The following SLC44A5 variants were observed in gnomAD, a reference collection of about 807,000 sequenced individuals.
The protein encoded by SLC44A5 is choline transporter-like protein 5.
In SLC44A5, 57 loss-of-function variants were observed where a neutral mutation model predicts 101.8. The ratio of observed to expected loss-of-function variants is 0.56; its 90% CI spans 0.45 to 0.70. The LOEUF (loss-of-function observed/expected upper bound fraction) is 0.70, where lower values mean the gene tolerates loss of function less well. Among genes scored for constraint, SLC44A5 ranks in the 30% least tolerant of loss-of-function variants. The pLI is 0.00. For synonymous variants in SLC44A5, 281 were observed against 290.9 expected (o/e 0.97, Z 0.35); for missense variants, 737 against 853.1 (o/e 0.86, Z 1.70).
chr1:75,386,098 T>C lies in SLC44A5; in HGVS notation c.52+10485A>G, dbSNP rs866087586. 3.8e-3 allele frequency among the ~76,000 whole-genome samples: 583 copies of C among 151,680 alleles called. 6 individuals carry two copies. The highest frequency in any genetic ancestry group is 0.038 in the South Asian group (184 of 4,796). On this transcript the variant is annotated intron_variant, in intron 3 of 23. Transcript: ENST00000370859. Reference sequence around the variant, plus strand: ...CTATCTATGACAAACCCACAGCCAATATCATACTGAATGGGCAAAAACTGG... The same window carrying C: ...CTATCTATGACAAACCCACAGCCAACATCATACTGAATGGGCAAAAACTGG...
chr1:75,548,320 A>C (rs1054984650), intron 1 of SLC44A5, among the ~76,000 whole-genome samples: 1 of 152,148 alleles, frequency 6.6e-6, no homozygotes, highest in Non-Finnish European at 1.5e-5. Flanking sequence ...TCGATCTAAT[A>C]GTTTCAGTGA....
At chr1:75,214,531 TAAC>T (rs1339858732) in intron 20 of SLC44A5, 71 bp downstream of exon 20, 20 of 1,183,496 alleles carry the variant, frequency 1.7e-5, no homozygotes, top group Middle Eastern at 2.0e-4. Flanking sequence ...ACACTTTAAA[TAAC>T]AACATGTAAA....
At chr1:75,431,533 T>A (rs1664611135) in intron 2 of SLC44A5, among the ~76,000 whole-genome samples, 1 of 152,202 alleles carries the variant, frequency 6.6e-6, no homozygotes, top group African/African-American at 2.4e-5. Context: ...ATTAACTTAT[T>A]TATTTAACAG....
intron 2 of SLC44A5, among the ~76,000 whole-genome samples, chr1:75,440,465 C>T (rs1457886248): frequency 2.0e-5 from 3 of 151,974 alleles, no homozygotes; most frequent in African/African-American, 7.2e-5. Context: ...GTGAGAGCAG[C>T]AGGAAACAAG....
At chr1:75,697,935 C>A in the SLC44A5 span, among the ~76,000 whole-genome samples, 1 of 152,206 alleles carries the variant, frequency 6.6e-6, no homozygotes, top group Non-Finnish European at 1.5e-5. Flanking sequence ...GAATACTGTG[C>A]TTTTCCAACG....
intron 2 of SLC44A5, among the ~76,000 whole-genome samples, chr1:75,423,238 C>A (rs1007061679): frequency 2.0e-5 from 3 of 152,186 alleles, no homozygotes; most frequent in Non-Finnish European, 4.4e-5. Context: ...TGAAACAACG[C>A]TTAGCAACCT....
chr1:75,329,578 G>A (rs1656867126), intron 4 of SLC44A5, among the ~76,000 whole-genome samples: 1 of 152,046 alleles, frequency 6.6e-6, no homozygotes, highest in South Asian at 2.1e-4. Context: ...TTTATTGGGA[G>A]CATAGTCTGT....
At chr1:75,554,469 CAAAAAA>C (rs35263222) in intron 1 of SLC44A5, among the ~76,000 whole-genome samples, 5 of 123,418 alleles carry the variant, frequency 4.1e-5, no homozygotes, top group Non-Finnish European at 8.3e-5. Flanking sequence ...GTGACTCTGT[CAAAAAA>C]AAAAAAAAAA....
At chr1:75,525,817 T>G (rs942451342) in intron 2 of SLC44A5, among the ~76,000 whole-genome samples, 1 of 152,152 alleles carries the variant, frequency 6.6e-6, no homozygotes, top group Non-Finnish European at 1.5e-5. Context: ...TTTCAAGGTG[T>G]TCGGAAAAAA....
rs924103492 is a variant in SLC44A5, at chr1:75,364,255, T to C, written c.53-24625A>G. Among the ~76,000 whole-genome samples, 9 of 152,242 alleles carry C rather than the reference T, an allele frequency of 5.9e-5. 1 individual carries two copies. Among genetic ancestry groups the C allele is most frequent in the African/African-American group, 2.2e-4 (9 of 41,524 alleles). ...AATTTATAAAGAAAAGAATTTACCATTATTGCAGGCTGTACAGGAATCATG... is the reference window on the plus strand; with the variant it reads ...AATTTATAAAGAAAAGAATTTACCACTATTGCAGGCTGTACAGGAATCATG... On this transcript the variant is annotated intron_variant, in intron 3 of 23. Coordinates refer to ENST00000370859, the MANE Select transcript of SLC44A5 (RefSeq NM_001130058.2).
chr1:75,388,067 G>A (rs1427423692), intron 3 of SLC44A5, among the ~76,000 whole-genome samples: 1 of 111,106 alleles, frequency 9.0e-6, no homozygotes, highest in African/African-American at 3.5e-5. Context: ...GTTGTGGGGT[G>A]GGGGGAGGGG....
chr1:75,405,313 C>A (rs1662777666), intron 2 of SLC44A5, among the ~76,000 whole-genome samples: 1 of 152,172 alleles, frequency 6.6e-6, no homozygotes, highest in African/African-American at 2.4e-5. Context: ...AGAAAATTAA[C>A]AATGATATTC....
In SLC44A5 at chr1:75,202,538, T is replaced by C. The variant is rs1372199610; in HGVS notation, c.*1189A>G. Reference sequence around the variant, plus strand: ...TAGTACTGGTAAAATTATTTAAAACTGAATTGGAAATTATGTTCCTGTTTA... The same window carrying C: ...TAGTACTGGTAAAATTATTTAAAACCGAATTGGAAATTATGTTCCTGTTTA... On this transcript the variant is annotated 3_prime_UTR_variant, in exon 24 of 24. Transcript: ENST00000370859. 6.6e-6 allele frequency: 1 copy of C among 152,174 alleles called. No individual in the cohort carries two copies. The highest frequency in any genetic ancestry group is 1.5e-5 in the Non-Finnish European group (1 of 68,006). The allele number at this position is 152,174 out of a possible 1,614,324, so 9.4% of individuals were successfully genotyped here.
the SLC44A5 span, among the ~76,000 whole-genome samples, chr1:75,672,810 T>C: frequency 1.3e-5 from 2 of 152,158 alleles, no homozygotes; most frequent in African/African-American, 4.8e-5. Context: ...GCACCCATTC[T>C]AGGCCCTAGC....
chr1:75,325,878 A>C (rs1188683730), intron 4 of SLC44A5, among the ~76,000 whole-genome samples: 1 of 151,926 alleles, frequency 6.6e-6, no homozygotes, highest in Non-Finnish European at 1.5e-5. Context: ...TGGGGGTGCA[A>C]CCGAAGTCCA....
chr1:75,622,368 G>T, the SLC44A5 span, among the ~76,000 whole-genome samples: 3 of 152,008 alleles, frequency 2.0e-5, no homozygotes, highest in African/African-American at 7.2e-5. Context: ...TGTTAATTTT[G>T]CCAAGTTCAA....
At chr1:75,620,592 A>AT in the SLC44A5 span, among the ~76,000 whole-genome samples, 1 of 152,068 alleles carries the variant, frequency 6.6e-6, no homozygotes, top group Admixed American at 6.6e-5. Context: ...GATGATGAGC[A>AT]TTTTTTCATA....
chr1:75,676,867 A>G, the SLC44A5 span, among the ~76,000 whole-genome samples: 1 of 152,236 alleles, frequency 6.6e-6, no homozygotes, highest in Non-Finnish European at 1.5e-5. Context: ...GGATTCTAAA[A>G]GCAGAAAGAG....
At chr1:75,490,883 G>A (rs1012416038) in intron 2 of SLC44A5, among the ~76,000 whole-genome samples, 4 of 151,738 alleles carry the variant, frequency 2.6e-5, no homozygotes, top group Admixed American at 6.6e-5. Flanking sequence ...TAGTAGGTAC[G>A]ACTTACTTAT....
Sources: gnomAD v4.1 joint callset for allele counts (sites outside exome capture counted in the v4.1 genomes callset) on GRCh38, gnomAD v4.1.1 for gene constraint, MANE v1.5 for transcripts, NCBI Gene and HGNC (gene_info 2026-07-23, HGNC 2026-07-21) for gene names.